ZNF24: variants seen among roughly 807,000 people sequenced by gnomAD.
The protein encoded by ZNF24 is retinoic acid suppression protein A.
ZNF24 carries 11 observed loss-of-function variants against 40.9 expected under a neutral mutation model. The ratio of observed to expected loss-of-function variants is 0.27; its 90% CI spans 0.17 to 0.45. ZNF24 has a LOEUF of 0.45. Among genes scored for constraint, ZNF24 ranks in the 20% least tolerant of loss-of-function variants. The pLI, the probability that ZNF24 is intolerant of heterozygous loss-of-function variation, is 1.00. For missense variants in ZNF24, 293 were observed against 437.7 expected, an observed-to-expected ratio of 0.67 and a Z score of 2.95; for synonymous variants, 139 against 154.7, an observed-to-expected ratio of 0.90 and a Z score of 0.75.
intron 3 of ZNF24, chr18:35,338,477 G>A: frequency 1.0e-6 from 1 of 985,482 alleles, no homozygotes; most frequent in Non-Finnish European, 1.2e-6. Context: ...TGAAAGAAAA[G>A]CCTGAATTAC....
At chr18:35,339,526 T>C (rs1238016799) in intron 3 of ZNF24, among the ~76,000 whole-genome samples, 1 of 152,146 alleles carries the variant, frequency 6.6e-6, no homozygotes, top group African/African-American at 2.4e-5. Context: ...AGATGACAAG[T>C]AATACTGAAT....
At chr18:35,342,625 C>T (rs920298910) in intron 1 of ZNF24, 5 of 151,832 alleles carry the variant, frequency 3.3e-5, no homozygotes, top group Admixed American at 2.0e-4. Flanking sequence ...CATTGTGTTA[C>T]AATTCTCTAC....
In ZNF24 at chr18:35,336,555, G is replaced by A. The variant is rs908575352; in HGVS notation, c.*677C>T. Reference sequence around the variant, plus strand: ...GATGACTCCAAATTATAGAGAGGATGAGTAGCTTTTGAATTTTCCTGCAGG... The same window carrying A: ...GATGACTCCAAATTATAGAGAGGATAAGTAGCTTTTGAATTTTCCTGCAGG... On this transcript the variant is annotated 3_prime_UTR_variant, in exon 4 of 4. Transcript: ENST00000261332. The A allele has an allele frequency of 6.6e-6, 1 of 152,180 alleles. No homozygotes were observed. The highest frequency in any genetic ancestry group is 1.5e-5 in the Non-Finnish European group (1 of 68,026). The allele number at this position is 152,180 out of a possible 1,614,324, so 9.4% of individuals were successfully genotyped here.
chr18:35,338,874 T>A (rs2044938482), intron 3 of ZNF24: 5 of 1,373,898 alleles, frequency 3.6e-6, no homozygotes, highest in Middle Eastern at 1.9e-4. Context: ...CAGCCCCATA[T>A]ATCAAGAATG....
In ZNF24 at chr18:35,340,344, T is replaced by G; in HGVS notation, c.307A>C (p.Ile103Leu). 6.2e-7 allele frequency: 1 copy of G among 1,614,224 alleles called. No individual in the cohort carries two copies. The highest frequency in any genetic ancestry group is 8.5e-7 in the Non-Finnish European group (1 of 1,180,038). ...ELVVLEQFVA[I>L]LPKELQTWVR... ...CAAGTCTGTAGCTCTTTGGGTAGGA[T>G]GGCAACAAACTGCTCCAGCACTACC... is the stretch of plus-strand genomic sequence containing the variant. The change falls in exon 2 of 4, where the codon ATC becomes CTC. Residue 103 changes from isoleucine to leucine, a missense_variant. Coordinates refer to ENST00000261332, the MANE Select transcript of ZNF24 (RefSeq NM_006965.4). The surrounding 1 kb of genome is among the most constrained non-coding windows in gnomAD (Gnocchi z 4.6).
In ZNF24 at chr18:35,333,725, G is replaced by A. The variant is rs557405740; in HGVS notation, c.*3507C>T. The A allele has an allele frequency of 4.1e-4, 62 of 152,252 alleles. No individual in the cohort carries two copies. The highest frequency in any genetic ancestry group is 1.5e-3 in the African/African-American group (62 of 41,544). The allele number at this position is 152,252 out of a possible 1,614,324, so 9.4% of individuals were successfully genotyped here. On this transcript the variant is annotated 3_prime_UTR_variant, in exon 4 of 4. Coordinates refer to ENST00000261332, the MANE Select transcript of ZNF24 (RefSeq NM_006965.4). ...CTTTTTGGTAGTAGTTTTCAAAACT[G>A]CAAATGTGAAACCTGATCCAATAAA...
Position 35,340,714 on chromosome 18 carries a change from C to A in ZNF24, c.-64G>T. Reference sequence around the variant, plus strand: ...GAATATAAGCCTCAGGGCAATACCCCGTTTTCTTCACAGGCACTCCTGAGG... The same window carrying A: ...GAATATAAGCCTCAGGGCAATACCCAGTTTTCTTCACAGGCACTCCTGAGG... On this transcript the variant is annotated 5_prime_UTR_variant, in exon 2 of 4. Coordinates refer to ENST00000261332, the MANE Select transcript of ZNF24 (RefSeq NM_006965.4). This position sits in a 1 kb window ranked among gnomAD's most constrained non-coding sequence, Gnocchi z 4.6. 1 of 1,477,918 alleles carries A rather than the reference C, an allele frequency of 6.8e-7. No individual in the cohort carries two copies. The highest frequency in any genetic ancestry group is 9.1e-7 in the Non-Finnish European group (1 of 1,096,672). The allele number at this position is 1,477,918 out of a possible 1,614,324, so 91.6% of individuals were successfully genotyped here.
At chr18:35,339,224 A>T (rs1393423842) in intron 3 of ZNF24, among the ~76,000 whole-genome samples, 1 of 152,254 alleles carries the variant, frequency 6.6e-6, no homozygotes, top group Non-Finnish European at 1.5e-5. Flanking sequence ...GGTCTCGTGA[A>T]TTAATACAAC....
intron 3 of ZNF24, chr18:35,339,154 G>A (rs1373586196): frequency 3.0e-6 from 3 of 1,001,008 alleles, no homozygotes; most frequent in African/African-American, 1.6e-5. Context: ...AATATACTGG[G>A]CCATATCAAA....
chr18:35,333,503 GA>G lies in ZNF24; in HGVS notation c.*3728del, dbSNP rs2044876683. 2 of 152,050 alleles carry G rather than the reference GA, an allele frequency of 1.3e-5. No homozygotes were observed. Among genetic ancestry groups the G allele is most frequent in the East Asian group, 3.9e-4 (2 of 5,194 alleles). 9.4% of individuals were successfully genotyped at this position (152,050 alleles called of 1,614,324 possible). A position where few individuals can be genotyped will look rare whatever the true frequency, so the allele number is the denominator to read the frequency against. Reference sequence around the variant, plus strand: ...ATTAGACTTTCATAATTAAAAAAAGGAAAATGGGCAAAAGCAATTCATAATA... The same window carrying G: ...ATTAGACTTTCATAATTAAAAAAAGGAAATGGGCAAAAGCAATTCATAATA... On this transcript the variant is annotated 3_prime_UTR_variant, in exon 4 of 4. Transcript: ENST00000261332.
chr18:35,334,872 C>T lies in ZNF24; in HGVS notation c.*2360G>A, dbSNP rs2044890641. The T allele has an allele frequency of 6.6e-6, 1 of 152,172 alleles. No homozygotes were observed. The highest frequency in any genetic ancestry group is 2.4e-5 in the African/African-American group (1 of 41,424). The allele number at this position is 152,172 out of a possible 1,614,324, so 9.4% of individuals were successfully genotyped here. A position where few individuals can be genotyped will look rare whatever the true frequency, so the allele number is the denominator to read the frequency against. Reference sequence around the variant, plus strand: ...TGCCACCATCCAGTTTTTTTTGGTCCAGTCCCTTTTTCCCACAGAGCTTTG... The same window carrying T: ...TGCCACCATCCAGTTTTTTTTGGTCTAGTCCCTTTTTCCCACAGAGCTTTG... On this transcript the variant is annotated 3_prime_UTR_variant, in exon 4 of 4. Coordinates refer to ENST00000261332, the MANE Select transcript of ZNF24 (RefSeq NM_006965.4).
intron 3 of ZNF24, chr18:35,339,154 G>C (rs1373586196): frequency 1.0e-6 from 1 of 1,001,006 alleles, no homozygotes; most frequent in East Asian, 2.6e-5. Context: ...AATATACTGG[G>C]CCATATCAAA....
In ZNF24 at chr18:35,334,833, T is replaced by C. The variant is rs1249469661; in HGVS notation, c.*2399A>G. 2 of 152,256 alleles carry C rather than the reference T, an allele frequency of 1.3e-5. No individual in the cohort carries two copies. Among genetic ancestry groups the C allele is most frequent in the Non-Finnish European group, 2.9e-5 (2 of 68,082 alleles). 9.4% of individuals were successfully genotyped at this position (152,256 alleles called of 1,614,324 possible). On this transcript the variant is annotated 3_prime_UTR_variant, in exon 4 of 4. Coordinates refer to ENST00000261332, the MANE Select transcript of ZNF24 (RefSeq NM_006965.4). ...AGATAGAAAGTACACATCTCATCAT[T>C]TCCTCTTCTTGTGTGCCACCATCCA...
chr18:35,341,442 A>G (rs4799796), intron 1 of ZNF24, among the ~76,000 whole-genome samples: 48,709 of 152,186 alleles, frequency 0.32, 8,912 homozygotes, highest in Non-Finnish European at 0.39. Flanking sequence ...TTACTGGTTT[A>G]TGTATTTACT....
intron 3 of ZNF24, among the ~76,000 whole-genome samples, 194 bp downstream of exon 3, chr18:35,339,635 G>A (rs1485680628): frequency 2.6e-5 from 4 of 152,154 alleles, no homozygotes; most frequent in African/African-American, 9.7e-5. Context: ...AGACTGAAAG[G>A]GAAGAAAAGG....
Position 35,337,400 on chromosome 18 carries a change from C to T in ZNF24, c.939G>A (p.Gly313=), listed in dbSNP as rs779621967. 6.2e-5 allele frequency: 100 copies of T among 1,613,844 alleles called. No individual in the cohort carries two copies. The highest frequency in any genetic ancestry group is 8.0e-5 in the Non-Finnish European group (94 of 1,179,936). ...GEKPYKCLEC[G]KAFSQNSGLI... ...GCCCCGAATTCTGGCTAAAGGCTTT[C>T]CCACATTCAAGACATTTGTAAGGTT... The change falls in exon 4 of 4, where the codon GGG becomes GGA. Residue 313 remains glycine (G), a synonymous_variant. Coordinates refer to ENST00000261332, the MANE Select transcript of ZNF24 (RefSeq NM_006965.4).
chr18:35,338,962 C>T (rs2044939338), intron 3 of ZNF24: 1 of 1,513,448 alleles, frequency 6.6e-7, no homozygotes, highest in Non-Finnish European at 8.8e-7. Context: ...GACTTCAGCC[C>T]CACCCCAAAA....
chr18:35,336,239 A>G lies in ZNF24; in HGVS notation c.*993T>C, dbSNP rs1321050320. Reference sequence around the variant, plus strand: ...TGGCTGCTTTTTTAGCCTGACGTTCAACCCTTTTGTACCAAAGGAATAAAA... The same window carrying G: ...TGGCTGCTTTTTTAGCCTGACGTTCGACCCTTTTGTACCAAAGGAATAAAA... On this transcript the variant is annotated 3_prime_UTR_variant, in exon 4 of 4. Transcript: ENST00000261332. 1 of 152,640 alleles carries G rather than the reference A, an allele frequency of 6.6e-6. No individual in the cohort carries two copies. Among genetic ancestry groups the G allele is most frequent in the African/African-American group, 2.4e-5 (1 of 41,450 alleles). The allele number at this position is 152,640 out of a possible 1,614,324, so 9.5% of individuals were successfully genotyped here. A position where few individuals can be genotyped will look rare whatever the true frequency, so the allele number is the denominator to read the frequency against.
intron 1 of ZNF24, chr18:35,343,614 AC>A (rs908579992): frequency 3.9e-5 from 6 of 152,210 alleles, no homozygotes; most frequent in Admixed American, 1.3e-4. Context: ...TTAATTAAAT[AC>A]CCTGGAGTGT....
Sources: allele counts gnomAD v4.1 joint callset (sites outside exome capture counted in the v4.1 genomes callset), GRCh38; gene constraint gnomAD v4.1.1; non-coding constraint Gnocchi (gnomAD v3.1); transcripts MANE v1.5; gene names NCBI Gene and HGNC (gene_info 2026-07-23, HGNC 2026-07-21).